The following SYNRG variants were observed in gnomAD, a reference collection of about 807,000 sequenced individuals.
SYNRG encodes synergin gamma.
In SYNRG, 37 loss-of-function variants were observed where a neutral mutation model predicts 130.9. The ratio of observed to expected loss-of-function variants is 0.28; its 90% CI spans 0.22 to 0.37. The LOEUF (loss-of-function observed/expected upper bound fraction) is 0.37. Ranked by LOEUF, SYNRG falls within the 10% of genes least tolerant of loss-of-function variation. The pLI is 1.00. For missense variants in SYNRG, 1,338 were observed against 1,588.9 expected (o/e 0.84, Z 2.68); for synonymous variants, 539 against 568.1 (o/e 0.95, Z 0.73).
rs1018148009 is a variant in SYNRG, at chr17:37,553,697, A to C, written c.2026T>G (p.Phe676Val). Reference protein sequence around the residue: ...LADDFGEFSLFGEYSGLAPVG... With the variant: ...LADDFGEFSLVGEYSGLAPVG... Reference sequence around the variant, plus strand: ...GGTGCTAGACCAGAATATTCCCCAAAAAGGCTGAATTCTCCAAAATCATCA... The same window carrying C: ...GGTGCTAGACCAGAATATTCCCCAACAAGGCTGAATTCTCCAAAATCATCA... The change falls in exon 14 of 22, where the codon TTT becomes GTT. Residue 676 changes from phenylalanine (F) to valine (V), a missense_variant. This residue lies in a region of SYNRG where 1,146 missense variants were observed against 1,342.3 expected (regional missense o/e 0.85). Transcript: ENST00000612223. 8 of 1,613,698 alleles carry C rather than the reference A, an allele frequency of 5.0e-6. No individual in the cohort carries two copies. Among genetic ancestry groups the C allele is most frequent in the Non-Finnish European group, 5.9e-6 (7 of 1,179,926 alleles).
chr17:37,535,842 A>C, intron 19 of SYNRG, 137 bp downstream of exon 19: 22 of 1,137,340 alleles, frequency 1.9e-5, no homozygotes, highest in Non-Finnish European at 2.4e-5. Context: ...CACACCTGTG[A>C]TCTCCCTCCT....
intron 14 of SYNRG, among the ~76,000 whole-genome samples, chr17:37,546,866 G>A (rs1036040984): frequency 6.6e-6 from 1 of 152,126 alleles, no homozygotes; most frequent in African/African-American, 2.4e-5. Context: ...ATTTACTAAA[G>A]CAAACCATAA....
Position 37,596,178 on chromosome 17 carries a change from CAACA to C in SYNRG, c.240+41_240+44del. The C allele has an allele frequency of 1.9e-6, 3 of 1,601,950 alleles. No individual in the cohort carries two copies. In the South Asian group the frequency reaches 3.3e-5, roughly 18 times the overall value. On this transcript the variant is annotated intron_variant, in intron 3 of 21. Coordinates refer to ENST00000612223, the MANE Select transcript of SYNRG (RefSeq NM_007247.6). ...TGTAGCTCTTGATATATAAACGTAACAACAAACAATAACTTTGTAAGAAACCAAC... is the reference window on the plus strand; with the variant it reads ...TGTAGCTCTTGATATATAAACGTAACAACAATAACTTTGTAAGAAACCAAC...
intron 2 of SYNRG, among the ~76,000 whole-genome samples, chr17:37,599,970 A>G (rs2063123515): frequency 6.6e-6 from 1 of 152,208 alleles, no homozygotes; most frequent in Non-Finnish European, 1.5e-5. Flanking sequence ...ATGCTAGATG[A>G]GCATTAGACA....
chr17:37,533,823 C>T (rs1201986867), intron 19 of SYNRG, among the ~76,000 whole-genome samples: 1 of 151,124 alleles, frequency 6.6e-6, no homozygotes, highest in African/African-American at 2.4e-5. Context: ...GTGATCCACC[C>T]ACCTCGGCCT....
At position 37,542,701 on chromosome 17, in the gene SYNRG, C is replaced by G. The variant is rs540585784; in HGVS notation, c.2609-136G>C. ...AAATTAGCTAAATTTAGAGTTTGTA[C>G]TAAAATTAAGAGTTGGGCTGTAAAA... is the stretch of plus-strand genomic sequence containing the variant. On this transcript the variant is annotated intron_variant, in intron 14 of 21. Transcript: ENST00000612223. The G allele has an allele frequency of 2.8e-5, 19 of 685,940 alleles. No homozygotes were observed. In the East Asian group the frequency reaches 4.7e-4, roughly 17 times the overall value. The allele number at this position is 685,940 out of a possible 1,614,324, so 42.5% of individuals were successfully genotyped here. A position where few individuals can be genotyped will look rare whatever the true frequency, so the allele number is the denominator to read the frequency against.
chr17:37,581,322 G>A (rs2061318834), intron 6 of SYNRG, among the ~76,000 whole-genome samples: 1 of 151,828 alleles, frequency 6.6e-6, no homozygotes, highest in Non-Finnish European at 1.5e-5. Flanking sequence ...CTGTCATCCA[G>A]GCTAGAGAAC....
intron 11 of SYNRG, among the ~76,000 whole-genome samples, chr17:37,565,412 C>T (rs1169490559): frequency 1.3e-5 from 2 of 149,576 alleles, no homozygotes; most frequent in African/African-American, 2.4e-5. Flanking sequence ...ACCTCCCAGC[C>T]GCCTGCCTTG....
chr17:37,566,024 C>G, intron 11 of SYNRG, among the ~76,000 whole-genome samples: 1 of 150,016 alleles, frequency 6.7e-6, no homozygotes, highest in East Asian at 2.0e-4. Flanking sequence ...GGGGTCAGCC[C>G]CCCGCCCGGC....
chr17:37,575,728 G>C (rs1175219072), intron 8 of SYNRG, among the ~76,000 whole-genome samples: 1 of 151,410 alleles, frequency 6.6e-6, no homozygotes, highest in Non-Finnish European at 1.5e-5. Context: ...TGTAGTCCCA[G>C]CTACTTGAGA....
chr17:37,559,802 C>T (rs2059393191), intron 13 of SYNRG, among the ~76,000 whole-genome samples: 1 of 152,164 alleles, frequency 6.6e-6, no homozygotes, highest in Non-Finnish European at 1.5e-5. Context: ...TGTAATAAAT[C>T]AGAGTAACCA....
At position 37,519,020 on chromosome 17, in the gene SYNRG, A is replaced by G; in HGVS notation, c.3865T>C (p.Tyr1289His). Residue 1289 changes from tyrosine to histidine, a missense_variant, in exon 22 of 22, where the codon TAT becomes CAT. Around this residue, in one of 3 missense-constraint regions of SYNRG, gnomAD observed 1,146 missense variants for 1,342.3 expected, o/e 0.85. Transcript: ENST00000612223. The part of the protein sequence containing the change: ...SFKLAYGGHQ[Y>H]HASCANFWIN... ...CAGAAGTTGGCACAGCTGGCGTGAT[A>G]CTGGTGCCCTCCATAGGCCAGCTTG... 1 of 1,614,216 alleles carries G rather than the reference A, an allele frequency of 6.2e-7. No individual in the cohort carries two copies. Among genetic ancestry groups the G allele is most frequent in the Non-Finnish European group, 8.5e-7 (1 of 1,180,034 alleles).
chr17:37,529,705 C>T, intron 19 of SYNRG: 2 of 1,385,116 alleles, frequency 1.4e-6, no homozygotes, highest in Non-Finnish European at 1.0e-6. Flanking sequence ...AAACGCACAG[C>T]AGCAACCCAG....
At position 37,603,593 on chromosome 17, in the gene SYNRG, T is replaced by C. The variant is rs77626881; in HGVS notation, c.78-3190A>G. Reference sequence around the variant, plus strand: ...ATGAGAACATTAACCTTCTCATGCATTGCCATCAGAGCTCTTGGGTGACCA... The same window carrying C: ...ATGAGAACATTAACCTTCTCATGCACTGCCATCAGAGCTCTTGGGTGACCA... On this transcript the variant is annotated intron_variant, in intron 1 of 21. Transcript: ENST00000612223. Among the ~76,000 whole-genome samples, 91 of 152,354 alleles carry C rather than the reference T, an allele frequency of 6.0e-4. 2 individuals carry two copies. The East Asian group carries it at 0.017, about 29-fold the overall frequency.
chr17:37,522,637 CTTT>C lies in SYNRG; in HGVS notation c.3667-1992_3667-1990del, dbSNP rs36077729. The stretch of plus-strand genomic sequence containing the variant: ...TGTGCACCACCATGCCCAGCTAACA[CTTT>C]TTTTTTTTTTTTTTTTTTGAGGTGG... On this transcript the variant is annotated intron_variant, in intron 19 of 21. Coordinates refer to ENST00000612223, the MANE Select transcript of SYNRG (RefSeq NM_007247.6). Among the ~76,000 whole-genome samples the C allele has an allele frequency of 9.5e-3, 924 of 97,774 alleles. 12 individuals are homozygous for C. Among genetic ancestry groups the C allele is most frequent in the African/African-American group, 0.03 (682 of 22,520 alleles). 64.1% of individuals were successfully genotyped at this position (97,774 alleles called of 152,430 possible).
At chr17:37,599,530 G>T (rs1441195878) in intron 2 of SYNRG, among the ~76,000 whole-genome samples, 1 of 152,106 alleles carries the variant, frequency 6.6e-6, no homozygotes, top group African/African-American at 2.4e-5. Flanking sequence ...ATACCAGCCT[G>T]GGCAACATAG....
chr17:37,527,897 T>C (rs1486011711), intron 19 of SYNRG, among the ~76,000 whole-genome samples: 2 of 152,162 alleles, frequency 1.3e-5, no homozygotes, highest in Non-Finnish European at 2.9e-5. Flanking sequence ...TAAGACGGTG[T>C]ACCCTGCCTT....
At chr17:37,591,764 G>T (rs2062214647) in intron 3 of SYNRG, among the ~76,000 whole-genome samples, 1 of 152,050 alleles carries the variant, frequency 6.6e-6, no homozygotes, top group African/African-American at 2.4e-5. Context: ...AAAAGAGAGA[G>T]ATAAAAAACA....
In SYNRG at chr17:37,602,061, C is replaced by T. The variant is rs191584686; in HGVS notation, c.78-1658G>A. 6.7e-3 allele frequency among the ~76,000 whole-genome samples: 1,016 copies of T among 152,014 alleles called. 3 individuals carry two copies. Among genetic ancestry groups the T allele is most frequent in the Non-Finnish European group, 0.011 (719 of 67,954 alleles). On this transcript the variant is annotated intron_variant, in intron 1 of 21. Coordinates refer to ENST00000612223, the MANE Select transcript of SYNRG (RefSeq NM_007247.6). Reference sequence around the variant, plus strand: ...GTTAAAAAGTTAAGCTCTGGCCAGGCGCAGTGGCTCACGTCTGTAATCCCA... The same window carrying T: ...GTTAAAAAGTTAAGCTCTGGCCAGGTGCAGTGGCTCACGTCTGTAATCCCA...
Sources: gnomAD v4.1 joint callset for allele counts (sites outside exome capture counted in the v4.1 genomes callset) on GRCh38, gnomAD v4.1.1 for gene constraint, gnomAD v4.1.1 regional missense constraint, MANE v1.5 for transcripts, NCBI Gene and HGNC (gene_info 2026-07-23, HGNC 2026-07-21) for gene names.